The following NTSR1 variants were observed in gnomAD, a reference collection of about 807,000 sequenced individuals.
NTSR1 encodes the protein neurotensin receptor type 1.
Under a neutral mutation model 31.2 loss-of-function variants are expected in NTSR1, and 29 were observed. The ratio of observed to expected loss-of-function variants is 0.93; its 90% confidence interval spans 0.69 to 1.27. NTSR1 has a LOEUF of 1.27. NTSR1 is among the 50% of genes most tolerant of loss of function. The pLI is 0.00. For missense variants in NTSR1, 697 were observed against 595.4 expected (o/e 1.17, Z -1.78); for synonymous variants, 282 against 269.9 (o/e 1.04, Z -0.44).
At chr20:62,750,616 G>A (rs6062542) in intron 1 of NTSR1, among the ~76,000 whole-genome samples, 4,686 of 151,414 alleles carry the variant, frequency 0.031, 262 homozygotes, top group African/African-American at 0.11. Flanking sequence ...GCGTGAACCC[G>A]GGAGGCGGAG....
intron 1 of NTSR1, among the ~76,000 whole-genome samples, chr20:62,726,020 CTT>C (rs1435690217): frequency 6.6e-6 from 1 of 152,212 alleles, no homozygotes; most frequent in Admixed American, 6.5e-5. Context: ...TGCCCTGGGG[CTT>C]GACCAGAATG....
rs1334726685 is a variant in NTSR1, at chr20:62,711,577, C to G, written c.714+1656C>G. Among the ~76,000 whole-genome samples, 1 of 148,030 alleles carries G rather than the reference C, an allele frequency of 6.8e-6. No individual in the cohort carries two copies. On this transcript the variant is annotated intron_variant, in intron 1 of 3. Coordinates refer to ENST00000370501, the MANE Select transcript of NTSR1 (RefSeq NM_002531.3). The surrounding 1 kb of genome is among the most constrained non-coding windows in gnomAD (Gnocchi z 6.4). ...CCCCCACTCAGACCCCCGATCCCCCCGCTCAGATCCCCGATCCCCCCGCTC... is the reference window on the plus strand; with the variant it reads ...CCCCCACTCAGACCCCCGATCCCCCGGCTCAGATCCCCGATCCCCCCGCTC...
intron 1 of NTSR1, among the ~76,000 whole-genome samples, chr20:62,717,105 C>A (rs1988743360): frequency 6.6e-6 from 1 of 152,248 alleles, no homozygotes; most frequent in Non-Finnish European, 1.5e-5. Context: ...CCTGCCCCAC[C>A]CTGGTGCCCA....
In NTSR1 at chr20:62,715,290, G is replaced by A. The variant is rs1235671452; in HGVS notation, c.714+5369G>A. ...CAGACCTGCCTGTTGGAGCCAGGTG[G>A]GAGACGGCAGGGTGAGGACGTGCAG... is the stretch of plus-strand genomic sequence containing the variant. On this transcript the variant is annotated intron_variant, in intron 1 of 3. Transcript: ENST00000370501. The surrounding 1 kb of genome is among the most constrained non-coding windows in gnomAD (Gnocchi z 4.7). Among the ~76,000 whole-genome samples the A allele has an allele frequency of 2.6e-5, 4 of 152,174 alleles. No homozygotes were observed. Among genetic ancestry groups the A allele is most frequent in the Non-Finnish European group, 5.9e-5 (4 of 68,028 alleles).
chr20:62,716,210 G>A (rs1331911738), intron 1 of NTSR1, among the ~76,000 whole-genome samples: 2 of 152,122 alleles, frequency 1.3e-5, no homozygotes, highest in Non-Finnish European at 2.9e-5. Context: ...CCCAGCGCCT[G>A]GTAACCTCTT....
At chr20:62,737,535 A>G (rs1989118859) in intron 1 of NTSR1, among the ~76,000 whole-genome samples, 1 of 152,092 alleles carries the variant, frequency 6.6e-6, no homozygotes, top group Non-Finnish European at 1.5e-5. Context: ...CGAGCATGGG[A>G]TGCAGCATCC....
chr20:62,740,031 C>T (rs1357970234), intron 1 of NTSR1, among the ~76,000 whole-genome samples: 2 of 152,260 alleles, frequency 1.3e-5, no homozygotes, highest in Non-Finnish European at 2.9e-5. Context: ...TCCTTGGTCA[C>T]AGCTGGGGCT....
At chr20:62,740,007 A>G (rs963287787) in intron 1 of NTSR1, among the ~76,000 whole-genome samples, 1 of 152,238 alleles carries the variant, frequency 6.6e-6, no homozygotes, top group African/African-American at 2.4e-5. Flanking sequence ...CTCCCCCTTG[A>G]TCACAGCAGC....
chr20:62,747,767 AAAAC>A (rs1270508600), intron 1 of NTSR1, among the ~76,000 whole-genome samples: 16 of 144,456 alleles, frequency 1.1e-4, no homozygotes, highest in Admixed American at 4.7e-4. Flanking sequence ...AACAAAAACA[AAAAC>A]AAAAAAAAAC....
chr20:62,734,162 C>T (rs1989046692), intron 1 of NTSR1, among the ~76,000 whole-genome samples: 1 of 152,052 alleles, frequency 6.6e-6, no homozygotes, highest in African/African-American at 2.4e-5. Context: ...GGCTCAGCCA[C>T]GTGGGTTACT....
chr20:62,759,480 G>A (rs1026093280), intron 3 of NTSR1, among the ~76,000 whole-genome samples: 3 of 152,224 alleles, frequency 2.0e-5, no homozygotes, highest in Admixed American at 2.0e-4. Context: ...TCCACCTAAA[G>A]AAGCCCAGGC....
intron 1 of NTSR1, among the ~76,000 whole-genome samples, chr20:62,713,104 C>G (rs1988648897): frequency 6.6e-6 from 1 of 152,230 alleles, no homozygotes; most frequent in Non-Finnish European, 1.5e-5. Context: ...CAAACCCTCC[C>G]AGCCTCACAG....
rs768307922 is a variant in NTSR1 at position 62,709,689 on chromosome 20, G to C, written c.482G>C (p.Ser161Thr). The C allele has an allele frequency of 6.2e-7, 1 of 1,612,772 alleles. No homozygotes were observed. The change falls in exon 1 of 4, where the codon AGC becomes ACC. Residue 161 changes from serine (S) to threonine (T), a missense_variant. Coordinates refer to ENST00000370501, the MANE Select transcript of NTSR1 (RefSeq NM_002531.3). ...CTYATALNVA[S>T]LSVERYLAIC... ...TACGCCACGGCCCTCAACGTGGCCA[G>C]CCTGAGTGTGGAGCGCTACCTGGCC...
At chr20:62,753,058 T>G (rs1306174352) in intron 1 of NTSR1, among the ~76,000 whole-genome samples, 1 of 151,922 alleles carries the variant, frequency 6.6e-6, no homozygotes, top group Admixed American at 6.6e-5. Context: ...CTCCCGGGGG[T>G]TTGAGTGCCC....
At chr20:62,737,693 C>A (rs1422325425) in intron 1 of NTSR1, among the ~76,000 whole-genome samples, 1 of 152,094 alleles carries the variant, frequency 6.6e-6, no homozygotes, top group African/African-American at 2.4e-5. Flanking sequence ...CCAGGTCCAG[C>A]CCCGGATGCA....
rs1989212768 is a variant in NTSR1, at chr20:62,741,849, A to G, written c.715-12836A>G. Reference sequence around the variant, plus strand: ...CCAGTGGGGATGAGGATCTGCTCATAGGATGGCCCCTGATGGAGGAAGTGG... The same window carrying G: ...CCAGTGGGGATGAGGATCTGCTCATGGGATGGCCCCTGATGGAGGAAGTGG... On this transcript the variant is annotated intron_variant, in intron 1 of 3. Transcript: ENST00000370501. The surrounding 1 kb of genome is among the most constrained non-coding windows in gnomAD (Gnocchi z 4.3). Among the ~76,000 whole-genome samples, 1 of 149,464 alleles carries G rather than the reference A, an allele frequency of 6.7e-6. No individual in the cohort carries two copies. The highest frequency in any genetic ancestry group is 2.5e-5 in the African/African-American group (1 of 40,024).
rs1312484231 is a variant in NTSR1, at chr20:62,755,142, CTCCA to C, written c.916+268_916+271del. ...CCTCCCTCCATCCATCCTTCCTTCCCTCCATCCATCCATCCCTTCCTCCTTCTAT... is the reference window on the plus strand; with the variant it reads ...CCTCCCTCCATCCATCCTTCCTTCCCTCCATCCATCCCTTCCTCCTTCTAT... On this transcript the variant is annotated intron_variant, in intron 2 of 3. Coordinates refer to ENST00000370501, the MANE Select transcript of NTSR1 (RefSeq NM_002531.3). Among the ~76,000 whole-genome samples the C allele has an allele frequency of 1.4e-4, 19 of 138,008 alleles. No individual in the cohort carries two copies. The East Asian group carries it at 2.1e-3, about 15-fold the overall frequency. 90.5% of individuals were successfully genotyped at this position (138,008 alleles called of 152,430 possible).
intron 1 of NTSR1, among the ~76,000 whole-genome samples, chr20:62,710,611 G>A (rs934603955): frequency 6.6e-6 from 1 of 152,148 alleles, no homozygotes; most frequent in Non-Finnish European, 1.5e-5. Flanking sequence ...GTTGTGGTGA[G>A]GTGTGTAAAA....
At chr20:62,748,107 G>A (rs534928604) in intron 1 of NTSR1, among the ~76,000 whole-genome samples, 5 of 151,558 alleles carry the variant, frequency 3.3e-5, no homozygotes, top group Admixed American at 1.3e-4. Flanking sequence ...CCTGAGAGGC[G>A]GAGGTTGCAG....
Sources: gnomAD v4.1 joint callset for allele counts (sites outside exome capture counted in the v4.1 genomes callset) on GRCh38, gnomAD v4.1.1 for gene constraint, Gnocchi (gnomAD v3.1) non-coding constraint, MANE v1.5 for transcripts, NCBI Gene and HGNC (gene_info 2026-07-23, HGNC 2026-07-21) for gene names.